Variants in ODR4 observed in about 807,000 individuals in gnomAD.
The protein encoded by ODR4 is protein odr-4 homolog.
ODR4 carries 47 observed loss-of-function variants against 60.2 expected under a neutral mutation model. The ratio of observed to expected loss-of-function variants is 0.78; its 90% CI spans 0.62 to 1.00. ODR4 has a LOEUF of 1.00. ODR4 is among the 50% of genes least tolerant of loss of function. The probability of loss-of-function intolerance (pLI) is 0.00; values close to 1 mark genes in which losing one functional copy is unlikely to be tolerated. For missense variants in ODR4, 488 were observed against 530.8 expected, an observed-to-expected ratio of 0.92 and a Z score of 0.79; for synonymous variants, 178 against 175.5, an observed-to-expected ratio of 1.01 and a Z score of -0.11.
At chr1:186,399,572 G>T (rs1660842447) in intron 11 of ODR4, among the ~76,000 whole-genome samples, 2 of 152,200 alleles carry the variant, frequency 1.3e-5, no homozygotes, top group Non-Finnish European at 1.5e-5. Context: ...GAATTTCAGG[G>T]AGGATTTTTA....
At chr1:186,389,711 A>G (rs1660388303) in intron 6 of ODR4, 87 bp downstream of exon 6, 2 of 927,572 alleles carry the variant, frequency 2.2e-6, no homozygotes, top group African/African-American at 1.7e-5. Flanking sequence ...AATAATTTCC[A>G]TTGCCATCAC....
chr1:186,387,356 A>G (rs1660290441), intron 4 of ODR4, among the ~76,000 whole-genome samples: 1 of 152,200 alleles, frequency 6.6e-6, no homozygotes, highest in South Asian at 2.1e-4. Context: ...ACCGAAATCT[A>G]TGCGTATTTA....
At chr1:186,434,299 T>G in the ODR4 span, among the ~76,000 whole-genome samples, 1 of 152,200 alleles carries the variant, frequency 6.6e-6, no homozygotes, top group Non-Finnish European at 1.5e-5. Context: ...TGTATCCTTA[T>G]GTTTTGAATG....
the ODR4 span, among the ~76,000 whole-genome samples, chr1:186,427,522 G>A: frequency 2.0e-5 from 3 of 152,126 alleles, no homozygotes; most frequent in Admixed American, 6.5e-5. Flanking sequence ...TATCACATCT[G>A]TAATTACTTC....
At position 186,420,692 on chromosome 1, in the gene ODR4, G is replaced by A. The variant is rs150467903; in HGVS notation, c.*1616G>A. On this transcript the variant is annotated 3_prime_UTR_variant, in exon 14 of 14. Coordinates refer to ENST00000287859, the MANE Select transcript of ODR4 (RefSeq NM_017847.6). ...GACAAGTGAACTAAACTATAAGCTG[G>A]ATCTAAAGAAATTACCCAGTGAGCA... The A allele has an allele frequency of 1.3e-5, 2 of 152,202 alleles. No individual in the cohort carries two copies. The highest frequency in any genetic ancestry group is 3.9e-4 in the East Asian group (2 of 5,156). The allele number at this position is 152,202 out of a possible 1,614,324, so 9.4% of individuals were successfully genotyped here. A position where few individuals can be genotyped will look rare whatever the true frequency, so the allele number is the denominator to read the frequency against.
rs1345523791 is a variant in ODR4 at position 186,417,625 on chromosome 1, C to T, written c.1268C>T (p.Thr423Ile). 1 of 1,594,734 alleles carries T rather than the reference C, an allele frequency of 6.3e-7. No homozygotes were observed. Among genetic ancestry groups the T allele is most frequent in the Non-Finnish European group, 8.6e-7 (1 of 1,167,952 alleles). The change falls in exon 13 of 14, where the codon ACA becomes ATA. Residue 423 changes from threonine to isoleucine, a missense_variant. Coordinates refer to ENST00000287859, the MANE Select transcript of ODR4 (RefSeq NM_017847.6). ...DEQPKQPIKT[T>I]MLLKIQQNIG... Reference sequence around the variant, plus strand: ...CAACCAAAACAACCAATTAAAACTACAATGTTATTGAAAATTCAGCAAAAC... The same window carrying T: ...CAACCAAAACAACCAATTAAAACTATAATGTTATTGAAAATTCAGCAAAAC...
chr1:186,431,152 G>A, the ODR4 span, among the ~76,000 whole-genome samples: 88 of 152,184 alleles, frequency 5.8e-4, no homozygotes, highest in Non-Finnish European at 8.5e-4. Context: ...AAATATATAC[G>A]GACTTGTAGG....
chr1:186,406,726 A>G (rs371370539), intron 12 of ODR4, among the ~76,000 whole-genome samples: 11 of 152,096 alleles, frequency 7.2e-5, no homozygotes, highest in Admixed American at 4.6e-4. Flanking sequence ...TTGGGATACT[A>G]AGCCAAAATG....
intron 11 of ODR4, among the ~76,000 whole-genome samples, chr1:186,401,952 A>T: frequency 6.6e-6 from 1 of 152,048 alleles, no homozygotes; most frequent in Non-Finnish European, 1.5e-5. Flanking sequence ...GGTTCAGTAG[A>T]ATTCATTGGT....
chr1:186,411,709 A>AT (rs1661388154), intron 12 of ODR4: 1 of 191,630 alleles, frequency 5.2e-6, no homozygotes, highest in Admixed American at 6.5e-5. Context: ...TGATTTGTGG[A>AT]TTTTAACTTT....
At position 186,401,134 on chromosome 1, in the gene ODR4, G is replaced by T. The variant is rs373997167; in HGVS notation, c.1000+2090G>T. 11 of 1,595,468 alleles carry T rather than the reference G, an allele frequency of 6.9e-6. No individual in the cohort carries two copies. Among genetic ancestry groups the T allele is most frequent in the Non-Finnish European group, 8.6e-6 (10 of 1,166,062 alleles). The stretch of plus-strand genomic sequence containing the variant: ...TATTTAAAAATCCTTTATAAAAGTG[G>T]TATTATATGGCTATCCTGGTATTCT... On this transcript the variant is annotated intron_variant, in intron 11 of 13. Transcript: ENST00000287859.
At chr1:186,390,348 G>A (rs1660415466) in intron 6 of ODR4, among the ~76,000 whole-genome samples, 1 of 152,192 alleles carries the variant, frequency 6.6e-6, no homozygotes, top group South Asian at 2.1e-4. Flanking sequence ...AAAGGAGAAT[G>A]CCTGCCACCT....
downstream of ODR4, among the ~76,000 whole-genome samples, chr1:186,425,983 A>G (rs564996085): frequency 5.3e-5 from 8 of 152,248 alleles, no homozygotes; most frequent in South Asian, 1.7e-3. Context: ...GGCATTTTCC[A>G]TGTTTGCCTG....
At chr1:186,379,107 G>T (rs59031578) in intron 1 of ODR4, among the ~76,000 whole-genome samples, 1,669 of 152,274 alleles carry the variant, frequency 0.011, 40 homozygotes, top group African/African-American at 0.038. Flanking sequence ...TAGCAATAGA[G>T]TATCAAAGAT....
At chr1:186,402,187 A>ATTCCTTCTTTCTTTCT (rs1553236963) in intron 11 of ODR4, among the ~76,000 whole-genome samples, 26 of 135,528 alleles carry the variant, frequency 1.9e-4, no homozygotes, top group Middle Eastern at 3.6e-3. Context: ...TAGGCATCCT[A>ATTCCTTCTTTCTTTCT]TTCTTTCTTT....
the ODR4 span, among the ~76,000 whole-genome samples, chr1:186,434,286 T>C: frequency 5.9e-5 from 9 of 152,220 alleles, no homozygotes; most frequent in Non-Finnish European, 4.4e-5. Flanking sequence ...CATCTTGCTT[T>C]TCTGTATCCT....
chr1:186,377,592 T>C (rs927364201), intron 1 of ODR4, among the ~76,000 whole-genome samples: 4 of 152,270 alleles, frequency 2.6e-5, no homozygotes, highest in African/African-American at 2.4e-5. Flanking sequence ...TAATATGATA[T>C]AGAGGAAAGT....
intron 11 of ODR4, among the ~76,000 whole-genome samples, chr1:186,400,078 G>T (rs1230439103): frequency 1.2e-4 from 17 of 136,494 alleles, no homozygotes; most frequent in African/African-American, 4.4e-4. Flanking sequence ...TGCAAGCTCC[G>T]CCTCCCGGGT....
rs777423436 is a variant in ODR4 at position 186,390,743 on chromosome 1, A to G, written c.507A>G (p.Gln169=). The G allele has an allele frequency of 1.2e-6, 2 of 1,613,606 alleles. No homozygotes were observed. Among genetic ancestry groups the G allele is most frequent in the Admixed American group, 1.7e-5 (1 of 60,026 alleles). The change falls in exon 7 of 14, where the codon CAA becomes CAG. Residue 169 remains glutamine, a synonymous_variant. Coordinates refer to ENST00000287859, the MANE Select transcript of ODR4 (RefSeq NM_017847.6). ...CAAGACCAGCAGATTGGAAGTATCA[A>G]AGTGGATTATCATCCTCATGGCTTT... ...SSARPADWKY[Q]SGLSSSWLSL...
Sources: gnomAD v4.1 joint callset for allele counts (sites outside exome capture counted in the v4.1 genomes callset) on GRCh38, gnomAD v4.1.1 for gene constraint, MANE v1.5 for transcripts, NCBI Gene and HGNC (gene_info 2026-07-23, HGNC 2026-07-21) for gene names.